ARID4B: variants seen among roughly 807,000 people sequenced by gnomAD.
ARID4B encodes the protein AT-rich interactive domain-containing protein 4B.
A neutral mutation model predicts 147.5 loss-of-function variants in ARID4B; 26 were observed. The observed-to-expected ratio is 0.18, with a 90% CI of 0.13 to 0.24. ARID4B has a LOEUF of 0.24. Ranked by LOEUF, ARID4B falls within the 10% of genes least tolerant of loss-of-function variation. The probability of loss-of-function intolerance (pLI) is 1.00; values close to 1 mark genes in which losing one functional copy is unlikely to be tolerated. For synonymous variants in ARID4B, 512 were observed against 507.9 expected (o/e 1.01, Z -0.11); for missense variants, 1,179 against 1,511.5 (o/e 0.78, Z 3.65).
intron 23 of ARID4B, among the ~76,000 whole-genome samples, chr1:235,171,321 C>T (rs796785511): frequency 6.6e-6 from 1 of 151,804 alleles, no homozygotes; most frequent in African/African-American, 2.4e-5. Flanking sequence ...TAATCCCAGC[C>T]ACTCGGGAGA....
chr1:235,208,131 G>A (rs1190607551), intron 17 of ARID4B, among the ~76,000 whole-genome samples: 1 of 152,160 alleles, frequency 6.6e-6, no homozygotes, highest in Non-Finnish European at 1.5e-5. Context: ...AATCAGTATT[G>A]ATACACTATT....
chr1:235,246,402 T>A lies in ARID4B; in HGVS notation c.446+18A>T, dbSNP rs1312946823. On this transcript the variant is annotated intron_variant, in intron 7 of 23. Coordinates refer to ENST00000264183, the MANE Select transcript of ARID4B (RefSeq NM_016374.6). ...AAATGAATTCAGGTTCAACTAACAG[T>A]CATGAAAATGGACTTACATATGATT... 5.9e-6 allele frequency: 9 copies of A among 1,538,228 alleles called. No individual in the cohort carries two copies. The African/African-American group carries it at 1.2e-4, about 21-fold the overall frequency.
At position 235,181,947 on chromosome 1, in the gene ARID4B, T is replaced by C. The variant is rs1664341708; in HGVS notation, c.2972A>G (p.Asn991Ser). 6.2e-7 allele frequency: 1 copy of C among 1,614,192 alleles called. No individual in the cohort carries two copies. ...TTCTTCAATGGGTTTACTATCGACA[T>C]TGACTGGAGGTGGTTTTTCTAGTTC... ...SVELEKPPPV[N>S]VDSKPIEEKT... Residue 991 changes from asparagine (N) to serine (S), a missense_variant, in exon 20 of 24, where the codon AAT (asparagine) becomes AGT (serine). Asn to Ser is a conservative substitution (Grantham distance 46, BLOSUM62 1). This residue lies in a region of ARID4B where 357 missense variants were observed against 427.3 expected (regional missense o/e 0.84). Transcript: ENST00000264183.
intron 7 of ARID4B, among the ~76,000 whole-genome samples, chr1:235,242,932 T>G (rs1410259103): frequency 6.6e-6 from 1 of 152,166 alleles, no homozygotes; most frequent in African/African-American, 2.4e-5. Context: ...ATTTTGCTCT[T>G]CATTTCCACA....
intron 17 of ARID4B, among the ~76,000 whole-genome samples, chr1:235,196,384 G>C (rs1665490742): frequency 6.6e-6 from 1 of 152,124 alleles, no homozygotes; most frequent in African/African-American, 2.4e-5. Context: ...TGCTTACTCG[G>C]CTACAACAAA....
chr1:235,169,621 C>T (rs191339671), intron 23 of ARID4B, among the ~76,000 whole-genome samples: 11 of 149,026 alleles, frequency 7.4e-5, no homozygotes, highest in South Asian at 6.4e-4. Flanking sequence ...CTGCAAGCTC[C>T]GCCTTCCAGG....
Position 235,213,985 on chromosome 1 carries a change from G to C in ARID4B, c.1625C>G (p.Ala542Gly). 1 of 1,586,736 alleles carries C rather than the reference G, an allele frequency of 6.3e-7. No homozygotes were observed. Among genetic ancestry groups the C allele is most frequent in the Non-Finnish European group, 8.7e-7 (1 of 1,155,954 alleles). ...NKEEDEDDEEAEEEEEEEEEE... is the reference protein window; with the variant it reads ...NKEEDEDDEEGEEEEEEEEEE... ...TTCTTCCTCCTCCTCCTCCTCTTCT[G>C]CTTCTTCATCATCTTCATCTTCTTC... is the stretch of plus-strand genomic sequence containing the variant. Residue 542 changes from alanine to glycine, a missense_variant, in exon 17 of 24, where the codon GCA becomes GGA. Ala to Gly is a moderately conservative substitution (Grantham distance 60). Transcript: ENST00000264183.
At chr1:235,326,322 T>A (rs1675258134) in intron 2 of ARID4B, among the ~76,000 whole-genome samples, 1 of 152,146 alleles carries the variant, frequency 6.6e-6, no homozygotes, top group Non-Finnish European at 1.5e-5. Context: ...CCACACATCA[T>A]AATGCAACAG....
intron 2 of ARID4B, among the ~76,000 whole-genome samples, chr1:235,270,307 C>CA (rs941765264): frequency 3.3e-5 from 5 of 151,968 alleles, no homozygotes; most frequent in African/African-American, 7.3e-5. Flanking sequence ...CAAAACAAAA[C>CA]AAAAAAACTC....
Position 235,182,705 on chromosome 1 carries a change from A to G in ARID4B, c.2214T>C (p.Ile738=). 1 of 1,613,788 alleles carries G rather than the reference A, an allele frequency of 6.2e-7. No homozygotes were observed. The highest frequency in any genetic ancestry group is 8.5e-7 in the Non-Finnish European group (1 of 1,180,002). Residue 738 remains isoleucine (I), a synonymous_variant, in exon 20 of 24, where the codon ATT becomes ATC. Transcript: ENST00000264183. ...MDNNGKEESK[I]DHLTNNRNDL... ...CATTTCTGTTGTTGGTCAAATGATC[A>G]ATCTTAGATTCCTCTTTGCCATTAT... is the stretch of plus-strand genomic sequence containing the variant.
Position 235,172,759 on chromosome 1 carries a change from G to A in ARID4B, c.3670C>T (p.Leu1224=). The A allele has an allele frequency of 6.5e-7, 1 of 1,544,054 alleles. No homozygotes were observed. Among genetic ancestry groups the A allele is most frequent in the Non-Finnish European group, 8.7e-7 (1 of 1,152,998 alleles). The change falls in exon 23 of 24, where the codon CTG becomes TTG. Residue 1224 remains leucine (L), a synonymous_variant. Coordinates refer to ENST00000264183, the MANE Select transcript of ARID4B (RefSeq NM_016374.6). The part of the protein sequence containing the change: ...VYKWSFQMSD[L]ENMTSAERIT... ...CGTTCGGCACTTGTCATATTTTCCA[G>A]GTCCGCTATAAATTTAAAGCTTTCA...
chr1:235,276,175 T>C (rs950133176), intron 2 of ARID4B, among the ~76,000 whole-genome samples: 1 of 138,108 alleles, frequency 7.2e-6, no homozygotes, highest in South Asian at 2.2e-4. Flanking sequence ...AATAATGAAA[T>C]GTGAACATAC....
At chr1:235,300,709 C>CT (rs111362486) in intron 2 of ARID4B, among the ~76,000 whole-genome samples, 123 of 149,110 alleles carry the variant, frequency 8.2e-4, no homozygotes, top group Non-Finnish European at 8.8e-4. Flanking sequence ...TACAAGAATA[C>CT]TTTTTTTTTT....
intron 16 of ARID4B, among the ~76,000 whole-genome samples, chr1:235,214,638 A>C (rs1262982827): frequency 6.6e-6 from 1 of 152,148 alleles, no homozygotes; most frequent in Non-Finnish European, 1.5e-5. Context: ...GAAATATTCT[A>C]ATAATGTACT....
chr1:235,256,129 G>A (rs538876522), intron 4 of ARID4B, among the ~76,000 whole-genome samples: 109 of 137,906 alleles, frequency 7.9e-4, no homozygotes, highest in African/African-American at 2.8e-3. Context: ...AGCCGAGATC[G>A]CGCCACTGCA....
chr1:235,303,129 T>C (rs908980863), intron 2 of ARID4B, among the ~76,000 whole-genome samples: 2 of 151,710 alleles, frequency 1.3e-5, no homozygotes, highest in Non-Finnish European at 1.5e-5. Context: ...TTCACCGTGT[T>C]AGCCACGATG....
intron 2 of ARID4B, among the ~76,000 whole-genome samples, chr1:235,287,629 A>C (rs1478374417): frequency 6.6e-6 from 1 of 152,230 alleles, no homozygotes; most frequent in East Asian, 1.9e-4. Context: ...TGACACCTTT[A>C]TTCTCTACCC....
intron 2 of ARID4B, among the ~76,000 whole-genome samples, chr1:235,318,168 CTTTTTTTTTTTTT>C (rs372816686): frequency 7.1e-5 from 8 of 111,980 alleles, no homozygotes; most frequent in African/African-American, 2.1e-4. Flanking sequence ...CTTGCTACTC[CTTTTTTTTTTTTT>C]TTTTTTTTTT....
chr1:235,215,988 A>G (rs1667046874), intron 16 of ARID4B, among the ~76,000 whole-genome samples: 1 of 152,072 alleles, frequency 6.6e-6, no homozygotes, highest in South Asian at 2.1e-4. Context: ...ATACTTTATC[A>G]TTCCTAATTA....
Sources: allele counts gnomAD v4.1 joint callset (sites outside exome capture counted in the v4.1 genomes callset), GRCh38; gene constraint gnomAD v4.1.1; regional missense constraint gnomAD v4.1.1; transcripts MANE v1.5; gene names NCBI Gene and HGNC (gene_info 2026-07-23, HGNC 2026-07-21).